The following NAV3 variants were observed in gnomAD, a reference collection of about 807,000 sequenced individuals.
NAV3 encodes neuron navigator 3.
A neutral mutation model predicts 244.7 loss-of-function variants in NAV3; 87 were observed. The ratio of observed to expected loss-of-function variants is 0.36; its 90% CI spans 0.30 to 0.42. The LOEUF is 0.42. NAV3 is among the 20% of genes least tolerant of loss of function. The pLI is 1.00. For synonymous variants in NAV3, 1,126 were observed against 1,042.2 expected (o/e 1.08, Z -1.55); for missense variants, 2,663 against 2,893.3 (o/e 0.92, Z 1.83).
intron 2 of NAV3, among the ~76,000 whole-genome samples, chr12:77,738,868 CG>C (rs1392912071): frequency 1.3e-5 from 2 of 151,994 alleles, no homozygotes; most frequent in African/African-American, 4.8e-5. Context: ...AAAAATTAGC[CG>C]GGCTTGGGGG....
chr12:78,190,178 G>A lies in NAV3; in HGVS notation c.6250G>A (p.Asp2084Asn). 1 of 1,612,616 alleles carries A rather than the reference G, an allele frequency of 6.2e-7. No homozygotes were observed. The highest frequency in any genetic ancestry group is 8.5e-7 in the Non-Finnish European group (1 of 1,179,350). Residue 2084 changes from aspartate to asparagine, a missense_variant, in exon 34 of 40, where the codon GAT (aspartate) becomes AAT (asparagine). Coordinates refer to ENST00000397909, the MANE Select transcript of NAV3 (RefSeq NM_001024383.2). ...CAAATCTGGAAGGAAAAAAACAGAG[G>A]ATGCAATTGCCACTTTTAATGTGGA... Reference protein sequence around the residue: ...ITKSGRKKTEDAIATFNVDHK... With the variant: ...ITKSGRKKTENAIATFNVDHK...
chr12:77,834,821 G>A (rs1874336610), intron 1 of NAV3, among the ~76,000 whole-genome samples: 1 of 152,158 alleles, frequency 6.6e-6, no homozygotes. Context: ...TGCCTGGTCA[G>A]CAGTTCAGAA....
chr12:78,156,351 A>G (rs1957305531), intron 22 of NAV3, among the ~76,000 whole-genome samples: 1 of 151,958 alleles, frequency 6.6e-6, no homozygotes, highest in Non-Finnish European at 1.5e-5. Context: ...TTCATTGAAA[A>G]CAACACGACT....
chr12:77,936,472 G>T (rs1251073723), intron 1 of NAV3, among the ~76,000 whole-genome samples: 1 of 152,076 alleles, frequency 6.6e-6, no homozygotes, highest in Non-Finnish European at 1.5e-5. Flanking sequence ...GAACATTCAT[G>T]ATTAAAATCT....
chr12:77,582,015 T>TA (rs1315887466), intron 2 of NAV3, among the ~76,000 whole-genome samples: 2 of 152,216 alleles, frequency 1.3e-5, no homozygotes, highest in Admixed American at 1.3e-4. Flanking sequence ...CTTCCATTCT[T>TA]ACACTTTACA....
At chr12:77,629,182 T>G (rs1871775705) in intron 2 of NAV3, among the ~76,000 whole-genome samples, 2 of 152,246 alleles carry the variant, frequency 1.3e-5, no homozygotes, top group South Asian at 4.1e-4. Flanking sequence ...GATTTATTTT[T>G]AAGCCCATAA....
At chr12:78,137,620 C>A (rs1238289306) in intron 19 of NAV3, among the ~76,000 whole-genome samples, 1 of 152,072 alleles carries the variant, frequency 6.6e-6, no homozygotes, top group Admixed American at 6.6e-5. Flanking sequence ...TTTTCCAATA[C>A]AGAAATATAC....
intron 1 of NAV3, among the ~76,000 whole-genome samples, chr12:77,864,540 A>G (rs1879725547): frequency 6.6e-6 from 1 of 151,982 alleles, no homozygotes; most frequent in African/African-American, 2.4e-5. Context: ...AGTTTCTGAG[A>G]TGACTGAGAA....
intron 2 of NAV3, among the ~76,000 whole-genome samples, chr12:77,768,063 C>T (rs1270494476): frequency 6.6e-6 from 1 of 152,242 alleles, no homozygotes; most frequent in African/African-American, 2.4e-5. Context: ...AACAAGTGTG[C>T]AGCCCTCAGT....
intron 2 of NAV3, among the ~76,000 whole-genome samples, chr12:77,573,483 C>T (rs1421650383): frequency 6.6e-6 from 1 of 152,098 alleles, no homozygotes; most frequent in Non-Finnish European, 1.5e-5. Flanking sequence ...TCAATTTTTG[C>T]TTTAATGTGG....
chr12:77,715,188 G>A (rs2137268413), intron 2 of NAV3, among the ~76,000 whole-genome samples: 1 of 151,980 alleles, frequency 6.6e-6, no homozygotes, highest in South Asian at 2.1e-4. Flanking sequence ...ATATTTAGTA[G>A]AAAGCATAAT....
At chr12:78,018,949 G>T (rs1876693874) in intron 8 of NAV3, among the ~76,000 whole-genome samples, 1 of 152,122 alleles carries the variant, frequency 6.6e-6, no homozygotes, top group Non-Finnish European at 1.5e-5. Flanking sequence ...AGAAACGAAT[G>T]GGGAGGGACT....
intron 8 of NAV3, among the ~76,000 whole-genome samples, chr12:78,012,335 C>T (rs1027099988): frequency 5.9e-5 from 9 of 152,014 alleles, no homozygotes; most frequent in African/African-American, 2.2e-4. Context: ...GGGCTCTTTG[C>T]AGTAACATCC....
chr12:78,129,385 C>T (rs896044521), intron 18 of NAV3, among the ~76,000 whole-genome samples: 5 of 152,108 alleles, frequency 3.3e-5, no homozygotes, highest in African/African-American at 1.2e-4. Context: ...TCTTTTAACA[C>T]TGTTAAAGTT....
intron 1 of NAV3, among the ~76,000 whole-genome samples, chr12:77,886,577 T>C (rs1057254582): frequency 1.3e-5 from 2 of 152,188 alleles, no homozygotes; most frequent in African/African-American, 4.8e-5. Context: ...AACTCATTGT[T>C]GAACTCATCT....
chr12:77,940,449 T>C lies in NAV3; in HGVS notation c.361+13T>C. On this transcript the variant is annotated intron_variant, in intron 2 of 39. Coordinates refer to ENST00000397909, the MANE Select transcript of NAV3 (RefSeq NM_001024383.2). ...ATCCAGATTATTGGTAAGCCCTTCC[T>C]TCTGAAAGAAAGCATGAAAGTCTCT... The C allele has an allele frequency of 1.3e-6, 2 of 1,596,300 alleles. No homozygotes were observed. Among genetic ancestry groups the C allele is most frequent in the South Asian group, 2.2e-5 (2 of 90,198 alleles).
intron 2 of NAV3, among the ~76,000 whole-genome samples, chr12:77,730,517 AG>A (rs1877071114): frequency 6.6e-6 from 1 of 151,964 alleles, no homozygotes; most frequent in African/African-American, 2.4e-5. Flanking sequence ...CAAGTAGTCT[AG>A]TATTCTAATT....
intron 1 of NAV3, among the ~76,000 whole-genome samples, chr12:77,935,645 G>A (rs1279148849): frequency 1.3e-5 from 2 of 152,112 alleles, no homozygotes; most frequent in Non-Finnish European, 2.9e-5. Context: ...AATTCCATTG[G>A]TTGAGGTATT....
chr12:78,002,689 T>A (rs1043705770), intron 7 of NAV3, among the ~76,000 whole-genome samples: 1 of 152,168 alleles, frequency 6.6e-6, no homozygotes, highest in Admixed American at 6.5e-5. Context: ...ATTATTTTAC[T>A]GGTGATCTAA....
Sources: gnomAD v4.1 joint callset for allele counts (sites outside exome capture counted in the v4.1 genomes callset) on GRCh38, gnomAD v4.1.1 for gene constraint, MANE v1.5 for transcripts, NCBI Gene and HGNC (gene_info 2026-07-23, HGNC 2026-07-21) for gene names.